Variants in ADAM28 observed in about 807,000 individuals in gnomAD.
The protein encoded by ADAM28 is disintegrin and metalloproteinase domain-containing protein 28.
Under a neutral mutation model 101.2 loss-of-function variants are expected in ADAM28, and 105 were observed. The ratio of observed to expected loss-of-function variants is 1.04; its 90% CI spans 0.89 to 1.22. The LOEUF (loss-of-function observed/expected upper bound fraction) is 1.22, where lower values mean the gene tolerates loss of function less well. Ranked by LOEUF, ADAM28 falls within the 50% of genes most tolerant of loss-of-function variation. The pLI, the probability that ADAM28 is intolerant of heterozygous loss-of-function variation, is 0.00. For missense variants in ADAM28, 1,028 were observed against 945.4 expected, an observed-to-expected ratio of 1.09 and a Z score of -1.15; for synonymous variants, 322 against 310.6, an observed-to-expected ratio of 1.04 and a Z score of -0.39.
chr8:24,349,006 G>A lies in ADAM28; in HGVS notation c.1991-858G>A, dbSNP rs998777261. Among the ~76,000 whole-genome samples, 10 of 152,090 alleles carry A rather than the reference G, an allele frequency of 6.6e-5. 1 individual carries two copies. Among genetic ancestry groups the A allele is most frequent in the South Asian group, 4.1e-4 (2 of 4,820 alleles). On this transcript the variant is annotated intron_variant, in intron 18 of 22. Transcript: ENST00000265769. ...GGATTGGAATCTTATGGAGGGTGGC[G>A]AGTAGCGAATATTTGAACTAAAGTC...
chr8:24,336,747 G>C (rs1814143025), intron 14 of ADAM28, among the ~76,000 whole-genome samples: 1 of 151,772 alleles, frequency 6.6e-6, no homozygotes, highest in Non-Finnish European at 1.5e-5. Flanking sequence ...GAGGTGGGGA[G>C]ATGTTGGTCA....
At position 24,309,946 on chromosome 8, in the gene ADAM28, C is replaced by G; in HGVS notation, c.203C>G (p.Ala68Gly). Residue 68 changes from alanine (A) to glycine (G), a missense_variant, in exon 3 of 23, where the codon GCA (alanine) becomes GGA (glycine). Coordinates refer to ENST00000265769, the MANE Select transcript of ADAM28 (RefSeq NM_014265.6). The part of the protein sequence containing the change: ...KYKMTINGKI[A>G]VLYLKKNKNL... ...AAAATGACAATTAATGGAAAAATTG[C>G]AGTGCTTTATTTGAAAAAAAACAAG... 6.4e-7 allele frequency: 1 copy of G among 1,569,946 alleles called. No individual in the cohort carries two copies. The highest frequency in any genetic ancestry group is 1.7e-4 in the Middle Eastern group (1 of 5,950).
In ADAM28 at chr8:24,355,094, A is replaced by ATAT. The variant is rs1816589122; in HGVS notation, c.*692_*694dup. On this transcript the variant is annotated 3_prime_UTR_variant, in exon 23 of 23. Coordinates refer to ENST00000265769, the MANE Select transcript of ADAM28 (RefSeq NM_014265.6). ...TGTAGGCCATGTTTGCACTGCAAAT[A>ATAT]TATTTGGTCTGAATGATATTGATAT... 1 of 152,584 alleles carries ATAT rather than the reference A, an allele frequency of 6.6e-6. No homozygotes were observed. The highest frequency in any genetic ancestry group is 2.4e-5 in the African/African-American group (1 of 41,452). The allele number at this position is 152,584 out of a possible 1,614,324, so 9.5% of individuals were successfully genotyped here.
intron 12 of ADAM28, among the ~76,000 whole-genome samples, chr8:24,331,667 A>G (rs1205655859): frequency 6.6e-6 from 1 of 152,122 alleles, no homozygotes; most frequent in Non-Finnish European, 1.5e-5. Context: ...ACAGAGCACT[A>G]TGAGTGCCCA....
intron 15 of ADAM28, among the ~76,000 whole-genome samples, chr8:24,339,837 G>T (rs74742748): frequency 0.014 from 2,200 of 152,242 alleles, 56 homozygotes; most frequent in African/African-American, 0.05. Flanking sequence ...AGAATGAATG[G>T]TTGTGATGGA....
At chr8:24,320,739 C>T (rs1262081285) in intron 7 of ADAM28, among the ~76,000 whole-genome samples, 1 of 151,944 alleles carries the variant, frequency 6.6e-6, no homozygotes, top group Non-Finnish European at 1.5e-5. Context: ...GTAATAGTCA[C>T]TGTTTATCTT....
chr8:24,314,785 A>G (rs1171995397), intron 6 of ADAM28, among the ~76,000 whole-genome samples: 1 of 151,800 alleles, frequency 6.6e-6, no homozygotes, highest in Non-Finnish European at 1.5e-5. Flanking sequence ...AAATATGTAT[A>G]TTGTGACATT....
In ADAM28 at chr8:24,335,531, C is replaced by CTGATGATAGAT. The variant is rs764107060; in HGVS notation, c.1459_1469dup (p.Phe490LeufsTer20). The CTGATGATAGAT allele has an allele frequency of 7.4e-6, 12 of 1,613,984 alleles. No homozygotes were observed. The highest frequency in any genetic ancestry group is 1.0e-5 in the Non-Finnish European group (12 of 1,180,006). On this transcript the variant is annotated frameshift_variant, in exon 14 of 23. Coordinates refer to ENST00000265769, the MANE Select transcript of ADAM28 (RefSeq NM_014265.6). LOFTEE classifies it high-confidence loss of function. ...TGTAATGGTAAATCTGGTAATTGTC[C>CTGATGATAGAT]TGATGATAGATTCCAAGTCAATGGC...
At chr8:24,331,413 A>G in intron 12 of ADAM28, 86 bp downstream of exon 12, 1 of 1,342,850 alleles carries the variant, frequency 7.4e-7, no homozygotes, top group Non-Finnish European at 1.0e-6. Flanking sequence ...GGCCCGCTAT[A>G]ACATTATAGG....
chr8:24,304,961 G>A lies in ADAM28; in HGVS notation c.150+4884G>A, dbSNP rs566771608. On this transcript the variant is annotated intron_variant, in intron 2 of 22. Transcript: ENST00000265769. ...TTATGCTATGGTGCTGCCCTGTGTAGCCCATCATATTCCAGTTCTTATGAC... is the reference window on the plus strand; with the variant it reads ...TTATGCTATGGTGCTGCCCTGTGTAACCCATCATATTCCAGTTCTTATGAC... 4.6e-5 allele frequency among the ~76,000 whole-genome samples: 7 copies of A among 151,054 alleles called. No individual in the cohort carries two copies. The South Asian group carries it at 1.5e-3, about 32-fold the overall frequency.
chr8:24,297,190 A>G (rs1050006997), intron 1 of ADAM28, among the ~76,000 whole-genome samples: 1 of 147,826 alleles, frequency 6.8e-6, no homozygotes. Flanking sequence ...TGTTTGTTTT[A>G]TTTTGCTTTG....
chr8:24,296,228 G>A (rs934217513), intron 1 of ADAM28: 3 of 152,170 alleles, frequency 2.0e-5, no homozygotes, highest in African/African-American at 7.2e-5. Context: ...GTTCTTCCTT[G>A]CCTTTATAAG....
intron 18 of ADAM28, among the ~76,000 whole-genome samples, chr8:24,344,852 C>G (rs942582690): frequency 6.6e-6 from 1 of 151,990 alleles, no homozygotes; most frequent in African/African-American, 2.4e-5. Flanking sequence ...AACAATGCAT[C>G]CACATAAAAC....
At chr8:24,343,420 T>G (rs1418562319) in intron 17 of ADAM28, 86 bp from the exon 18 acceptor site, 2 of 1,385,666 alleles carry the variant, frequency 1.4e-6, no homozygotes, top group Non-Finnish European at 2.0e-6. Context: ...TATTCCTTTT[T>G]CTGCATGAAC....
chr8:24,297,933 C>T (rs532731594), intron 1 of ADAM28, among the ~76,000 whole-genome samples: 16 of 152,092 alleles, frequency 1.1e-4, no homozygotes, highest in South Asian at 8.3e-4. Context: ...AAATAAAAGA[C>T]GCCCAGCGAT....
At chr8:24,315,747 G>T (rs1426633184) in intron 6 of ADAM28, among the ~76,000 whole-genome samples, 2 of 151,772 alleles carry the variant, frequency 1.3e-5, no homozygotes, top group African/African-American at 4.8e-5. Context: ...AAACACTGAG[G>T]TAAAAATTTT....
chr8:24,313,390 G>T lies in ADAM28; in HGVS notation c.386G>T (p.Gly129Val), dbSNP rs1410910068. 2 of 1,605,806 alleles carry T rather than the reference G, an allele frequency of 1.2e-6. No homozygotes were observed. The highest frequency in any genetic ancestry group is 1.7e-6 in the Non-Finnish European group (2 of 1,176,798). Residue 129 changes from glycine (G) to valine (V), a missense_variant and splice_region_variant, in exon 6 of 23, where the codon GGC becomes GTC. Transcript: ENST00000265769. ...CCAGAACTCTCATGTTTTTTCAGGG[G>T]CTACTTCAGTCAGGGGGATCAAAGA... is the stretch of plus-strand genomic sequence containing the variant. ...ASISTCRGLR[G>V]YFSQGDQRYF...
chr8:24,331,004 A>G (rs1282445069), intron 11 of ADAM28, 146 bp from the exon 12 acceptor site: 3 of 710,832 alleles, frequency 4.2e-6, no homozygotes, highest in Non-Finnish European at 6.6e-6. Flanking sequence ...CGGGCATGCA[A>G]ATGAGCTCAC....
chr8:24,306,363 AAT>A (rs543308272), intron 2 of ADAM28, among the ~76,000 whole-genome samples: 5,328 of 108,374 alleles, frequency 0.049, 329 homozygotes, highest in Non-Finnish European at 0.064. Context: ...TAAATAAATA[AAT>A]ATATATATAT....
Sources: gnomAD v4.1 joint callset for allele counts (sites outside exome capture counted in the v4.1 genomes callset) on GRCh38, gnomAD v4.1.1 for gene constraint, MANE v1.5 for transcripts, NCBI Gene and HGNC (gene_info 2026-07-23, HGNC 2026-07-21) for gene names.